The following MAN1C1 variants were observed in gnomAD, a reference collection of about 807,000 sequenced individuals.
MAN1C1 encodes the protein mannosyl-oligosaccharide 1,2-alpha-mannosidase IC.
A neutral mutation model predicts 71.5 loss-of-function variants in MAN1C1; 49 were observed. That is an observed-to-expected ratio of 0.69 (90% CI 0.54 to 0.87). The LOEUF (loss-of-function observed/expected upper bound fraction) is 0.87, where lower values mean the gene tolerates loss of function less well. Among genes scored for constraint, MAN1C1 ranks in the 40% least tolerant of loss-of-function variants. The probability of loss-of-function intolerance (pLI) is 0.00; values close to 1 mark genes in which losing one functional copy is unlikely to be tolerated. For synonymous variants in MAN1C1, 352 were observed against 343.7 expected (o/e 1.02, Z -0.27); for missense variants, 743 against 835.0 (o/e 0.89, Z 1.36).
intron 1 of MAN1C1, among the ~76,000 whole-genome samples, chr1:25,681,916 C>T (rs1265348581): frequency 6.6e-6 from 1 of 151,710 alleles, no homozygotes; most frequent in South Asian, 2.1e-4. Context: ...AATGGGTTCT[C>T]TAAGAACAAT....
intron 1 of MAN1C1, among the ~76,000 whole-genome samples, chr1:25,682,719 G>A (rs779697862): frequency 1.1e-4 from 17 of 152,188 alleles, no homozygotes; most frequent in Non-Finnish European, 2.4e-4. Context: ...AAGGTGGAGA[G>A]CAGCCCATCA....
chr1:25,758,742 G>A, intron 6 of MAN1C1, 33 bp downstream of exon 6: 4 of 1,575,152 alleles, frequency 2.5e-6, no homozygotes, highest in Non-Finnish European at 3.5e-6. Context: ...TTCCTGCGGA[G>A]CAGAGGGATG....
rs1355343458 is a variant in MAN1C1 at position 25,618,108 on chromosome 1, G to T, written c.311G>T (p.Arg104Leu). The change falls in exon 1 of 12, where the codon CGC becomes CTC. Residue 104 changes from arginine (R) to leucine (L), a missense_variant. Physicochemically the swap from Arg to Leu is moderately radical, Grantham distance 102. Transcript: ENST00000374332. Reference protein sequence around the residue: ...DDPSSWASPRRRKGGLRRTRP... With the variant: ...DDPSSWASPRLRKGGLRRTRP... The stretch of plus-strand genomic sequence containing the variant: ...CCCAGCAGCTGGGCCAGTCCCCGCC[G>T]CAGGAAAGGGGGGCTGCGGCGCACC... 5 of 1,510,524 alleles carry T rather than the reference G, an allele frequency of 3.3e-6. No individual in the cohort carries two copies. In the African/African-American group the frequency reaches 4.3e-5, roughly 13 times the overall value. 93.6% of individuals were successfully genotyped at this position (1,510,524 alleles called of 1,614,324 possible). A position where few individuals can be genotyped will look rare whatever the true frequency, so the allele number is the denominator to read the frequency against.
intron 1 of MAN1C1, among the ~76,000 whole-genome samples, chr1:25,628,827 T>C (rs2045338213): frequency 6.6e-6 from 1 of 152,232 alleles, no homozygotes; most frequent in African/African-American, 2.4e-5. Context: ...CTCCCATTTA[T>C]AAGTGAGAAC....
intron 8 of MAN1C1, among the ~76,000 whole-genome samples, chr1:25,774,821 A>G (rs904576403): frequency 1.0e-5 from 1 of 98,232 alleles, no homozygotes; most frequent in African/African-American, 3.0e-5. Context: ...TTGTTAATAC[A>G]TTAAAAAAAA....
rs936382349 is a variant in MAN1C1, at chr1:25,623,972, C to G, written c.540+5635C>G. On this transcript the variant is annotated intron_variant, in intron 1 of 11. Transcript: ENST00000374332. ...TCATGAGTCAAGGATTGTTGTCTTT[C>G]CGGTTCTGTGCACCTGCAGTCCAAA... Among the ~76,000 whole-genome samples, 16 of 152,190 alleles carry G rather than the reference C, an allele frequency of 1.1e-4. No homozygotes were observed. In the East Asian group the frequency reaches 3.1e-3, roughly 29 times the overall value.
intron 1 of MAN1C1, among the ~76,000 whole-genome samples, chr1:25,685,780 G>A (rs2046221347): frequency 6.6e-6 from 1 of 152,250 alleles, no homozygotes; most frequent in African/African-American, 2.4e-5. Context: ...CTAGCCTCAA[G>A]GAGTTTATGA....
At chr1:25,668,862 C>T (rs2045958933) in intron 1 of MAN1C1, among the ~76,000 whole-genome samples, 3 of 152,108 alleles carry the variant, frequency 2.0e-5, no homozygotes, top group African/African-American at 7.2e-5. Context: ...CCTGCCCAAG[C>T]CTTCTACTTT....
intron 11 of MAN1C1, among the ~76,000 whole-genome samples, chr1:25,783,003 T>C (rs934572395): frequency 2.0e-5 from 3 of 152,140 alleles, no homozygotes; most frequent in Non-Finnish European, 4.4e-5. Flanking sequence ...TCCTCGTGTG[T>C]AAAATGGGAT....
intron 2 of MAN1C1, among the ~76,000 whole-genome samples, chr1:25,720,437 C>T (rs768162275): frequency 6.6e-6 from 1 of 152,272 alleles, no homozygotes; most frequent in Non-Finnish European, 1.5e-5. Context: ...TCTTGAACTT[C>T]GGACCTCTGG....
At chr1:25,742,520 A>AC (rs2047076163) in intron 2 of MAN1C1, among the ~76,000 whole-genome samples, 1 of 152,104 alleles carries the variant, frequency 6.6e-6, no homozygotes, top group South Asian at 2.1e-4. Context: ...ATGTAGTTGC[A>AC]CCCCAAGGCC....
chr1:25,767,121 G>A (rs1476811421), intron 7 of MAN1C1, among the ~76,000 whole-genome samples: 3 of 151,622 alleles, frequency 2.0e-5, no homozygotes. Context: ...CTCCCAGCCC[G>A]CCTCGCAGTG....
intron 2 of MAN1C1, among the ~76,000 whole-genome samples, chr1:25,724,429 T>C (rs2046807186): frequency 6.6e-6 from 1 of 152,078 alleles, no homozygotes; most frequent in African/African-American, 2.4e-5. Context: ...AACTGAGCTC[T>C]GTTCCACGCA....
intron 1 of MAN1C1, among the ~76,000 whole-genome samples, chr1:25,677,907 G>A (rs2046092805): frequency 7.3e-6 from 1 of 136,652 alleles, no homozygotes; most frequent in Non-Finnish European, 1.5e-5. Flanking sequence ...CCTACCCCAT[G>A]GCTGACCACC....
Position 25,782,523 on chromosome 1 carries a change from C to A in MAN1C1, c.1651-62C>A. ...TCCAGCCTGCCAGGCATGCACAAGT[C>A]TTGAGGGGCCTTTCCTGTCCCGTGT... On this transcript the variant is annotated intron_variant, in intron 10 of 11. Coordinates refer to ENST00000374332, the MANE Select transcript of MAN1C1 (RefSeq NM_020379.4). The surrounding 1 kb of genome is among the most constrained non-coding windows in gnomAD (Gnocchi z 4.4). 3.5e-6 allele frequency: 4 copies of A among 1,154,328 alleles called. No homozygotes were observed. The highest frequency in any genetic ancestry group is 1.3e-5 in the South Asian group (1 of 79,706). The allele number at this position is 1,154,328 out of a possible 1,614,324, so 71.5% of individuals were successfully genotyped here.
chr1:25,659,091 C>T (rs1190274631), intron 1 of MAN1C1: 1 of 152,352 alleles, frequency 6.6e-6, no homozygotes. Flanking sequence ...CCGCCTGCCT[C>T]GGATGTTCCC....
chr1:25,723,741 G>A (rs2046797041), intron 2 of MAN1C1, among the ~76,000 whole-genome samples: 1 of 152,182 alleles, frequency 6.6e-6, no homozygotes, highest in South Asian at 2.1e-4. Flanking sequence ...CTTTCCTGAT[G>A]TCTGCCCAGG....
rs1557762206 is a variant in MAN1C1, at chr1:25,679,953, ATATATAT to A, written c.541-6486_541-6480del. Among the ~76,000 whole-genome samples, 22 of 113,728 alleles carry A rather than the reference ATATATAT, an allele frequency of 1.9e-4. 1 individual carries two copies. Among genetic ancestry groups the A allele is most frequent in the East Asian group, 4.7e-4 (2 of 4,256 alleles). 74.6% of individuals were successfully genotyped at this position (113,728 alleles called of 152,430 possible). A position where few individuals can be genotyped will look rare whatever the true frequency, so the allele number is the denominator to read the frequency against. On this transcript the variant is annotated intron_variant, in intron 1 of 11. Coordinates refer to ENST00000374332, the MANE Select transcript of MAN1C1 (RefSeq NM_020379.4). ...CCTCTGTCTCAAAAAAAAAAAAAAT[ATATATAT>A]ATATATATATATATATATACACACA... is the stretch of plus-strand genomic sequence containing the variant.
At chr1:25,768,071 A>C (rs1233266374) in intron 7 of MAN1C1, among the ~76,000 whole-genome samples, 1 of 24,072 alleles carries the variant, frequency 4.2e-5, no homozygotes, top group Non-Finnish European at 7.9e-5. Context: ...ACACACACAC[A>C]CACTCCCCCC....
Sources: gnomAD v4.1 joint callset for allele counts (sites outside exome capture counted in the v4.1 genomes callset) on GRCh38, gnomAD v4.1.1 for gene constraint, Gnocchi (gnomAD v3.1) non-coding constraint, MANE v1.5 for transcripts, NCBI Gene and HGNC (gene_info 2026-07-23, HGNC 2026-07-21) for gene names.